The following TRIM28 variants were observed in gnomAD, a reference collection of about 807,000 sequenced individuals.
TRIM28 encodes tripartite motif containing 28.
In TRIM28, 8 loss-of-function variants were observed where a neutral mutation model predicts 87.4. That is an observed-to-expected ratio of 0.09 (90% CI 0.05 to 0.17). The LOEUF is 0.17. Ranked by LOEUF, TRIM28 falls within the 10% of genes least tolerant of loss-of-function variation. The pLI is 1.00. For missense variants in TRIM28, 968 were observed against 1,131.8 expected (o/e 0.86, Z 2.08); for synonymous variants, 601 against 454.3 (o/e 1.32, Z -4.11).
chr19:58,547,255 A>G (rs865993789), intron 3 of TRIM28, 121 bp from the exon 4 acceptor site: 2 of 1,332,916 alleles, frequency 1.5e-6, no homozygotes, highest in East Asian at 5.1e-5. Context: ...CACCCTCTAC[A>G]TCTTCCCAAT....
At position 58,547,495 on chromosome 19, in the gene TRIM28, G is replaced by A; in HGVS notation, c.706G>A (p.Ala236Thr). The A allele has an allele frequency of 6.2e-7, 1 of 1,614,072 alleles. No homozygotes were observed. Among genetic ancestry groups the A allele is most frequent in the East Asian group, 2.2e-5 (1 of 44,886 alleles). ...TLTCRDCQLN[A>T]HKDHQYQFLE... is the part of the protein sequence containing the mutation. ...CACCTGCCGAGACTGCCAGCTCAATGCCCACAAGGACCACCAGTGAGTCCC... is the reference window on the plus strand; with the variant it reads ...CACCTGCCGAGACTGCCAGCTCAATACCCACAAGGACCACCAGTGAGTCCC... The change falls in exon 4 of 17, where the codon GCC (alanine) becomes ACC (threonine). Residue 236 changes from alanine (A) to threonine (T), a missense_variant. Physicochemically the swap from Ala to Thr is moderately conservative, Grantham distance 58. Transcript: ENST00000253024.
intron 6 of TRIM28, 27 bp from the exon 7 acceptor site, chr19:58,548,007 C>T (rs374890245): frequency 6.2e-7 from 1 of 1,613,750 alleles, no homozygotes; most frequent in Non-Finnish European, 8.5e-7. Context: ...GCCTTCTCTG[C>T]TTACCTCATA....
chr19:58,548,517 C>T lies in TRIM28; in HGVS notation c.1248C>T (p.Asn416=), dbSNP rs752080652. 5 of 1,614,044 alleles carry T rather than the reference C, an allele frequency of 3.1e-6. No individual in the cohort carries two copies. The highest frequency in any genetic ancestry group is 4.5e-5 in the East Asian group (2 of 44,876). Residue 416 remains asparagine (N), a synonymous_variant, in exon 9 of 17, where the codon AAC becomes AAT. Transcript: ENST00000253024. ...TTGTGGCAGAGCGTCCTGGCACTAA[C>T]TCAACAGGCCCTGCACCCATGGCCC... ...GKIVAERPGT[N]STGPAPMAPP... is the part of the protein sequence containing the mutation.
rs957718187 is a variant in TRIM28 at position 58,548,473 on chromosome 19, C to T, written c.1217-13C>T. 2.5e-5 allele frequency: 40 copies of T among 1,613,952 alleles called. No homozygotes were observed. The Middle Eastern group carries it at 9.9e-4, about 40-fold the overall frequency. Reference sequence around the variant, plus strand: ...GTGCTGCACCTACTTACGTTTCTCTCTTCTTTTTGCAGGCAAGATTGTGGC... The same window carrying T: ...GTGCTGCACCTACTTACGTTTCTCTTTTCTTTTTGCAGGCAAGATTGTGGC... On this transcript the variant is annotated splice_polypyrimidine_tract_variant and intron_variant, in intron 8 of 16. Coordinates refer to ENST00000253024, the MANE Select transcript of TRIM28 (RefSeq NM_005762.3).
rs1568661547 is a variant in TRIM28, at chr19:58,548,475, TCTTTTTG to T, written c.1217-9_1217-3del. ...GCTGCACCTACTTACGTTTCTCTCT[TCTTTTTG>T]CAGGCAAGATTGTGGCAGAGCGTCC... On this transcript the variant is annotated splice_region_variant and splice_polypyrimidine_tract_variant and intron_variant, in intron 8 of 16. Transcript: ENST00000253024. The T allele has an allele frequency of 6.2e-7, 1 of 1,614,064 alleles. No homozygotes were observed. Among genetic ancestry groups the T allele is most frequent in the Non-Finnish European group, 8.5e-7 (1 of 1,180,002 alleles).
intron 3 of TRIM28, among the ~76,000 whole-genome samples, chr19:58,546,698 TG>T (rs1211365687): frequency 3.3e-5 from 5 of 152,148 alleles, no homozygotes; most frequent in Non-Finnish European, 7.3e-5. Context: ...CTACATATTT[TG>T]GATTTGGTTG....
chr19:58,547,306 C>G (rs2053769839), intron 3 of TRIM28, 70 bp from the exon 4 acceptor site: 1 of 1,583,426 alleles, frequency 6.3e-7, no homozygotes, highest in East Asian at 2.3e-5. Context: ...AATGAGGCCC[C>G]AACTCATTCT....
chr19:58,545,717 A>T, intron 2 of TRIM28, 47 bp from the exon 3 acceptor site: 1 of 1,583,424 alleles, frequency 6.3e-7, no homozygotes, highest in Non-Finnish European at 8.6e-7. Flanking sequence ...GTAAACGTGG[A>T]TCTATCAAGT....
At position 58,548,513 on chromosome 19, in the gene TRIM28, C is replaced by A; in HGVS notation, c.1244C>A (p.Thr415Asn). Residue 415 changes from threonine to asparagine, a missense_variant, in exon 9 of 17, where the codon ACT becomes AAT. Thr to Asn is a moderately conservative substitution (Grantham distance 65, BLOSUM62 0). This residue lies in a region of TRIM28 where 119 missense variants were observed against 93.6 expected (regional missense o/e 1.27). Coordinates refer to ENST00000253024, the MANE Select transcript of TRIM28 (RefSeq NM_005762.3). ...AAGATTGTGGCAGAGCGTCCTGGCA[C>A]TAACTCAACAGGCCCTGCACCCATG... ...FGKIVAERPG[T>N]NSTGPAPMAP... 3.1e-6 allele frequency: 5 copies of A among 1,614,078 alleles called. No homozygotes were observed. The highest frequency in any genetic ancestry group is 4.2e-6 in the Non-Finnish European group (5 of 1,180,024).
rs746253186 is a variant in TRIM28 at position 58,549,814 on chromosome 19, C to G, written c.2060C>G (p.Ala687Gly). ...EEDGSLSLDGADSTGVVAKLS... is the reference protein window; with the variant it reads ...EEDGSLSLDGGDSTGVVAKLS... ...GATGGCAGCCTCAGCCTGGATGGTG[C>G]AGACAGCACTGGCGTGGTGGCCAAG... The change falls in exon 14 of 17, where the codon GCA (alanine) becomes GGA (glycine). Residue 687 changes from alanine (A) to glycine (G), a missense_variant. Coordinates refer to ENST00000253024, the MANE Select transcript of TRIM28 (RefSeq NM_005762.3). This position sits in a 1 kb window ranked among gnomAD's most constrained non-coding sequence, Gnocchi z 4.4. The G allele has an allele frequency of 5.6e-6, 9 of 1,612,820 alleles. No individual in the cohort carries two copies. The highest frequency in any genetic ancestry group is 1.7e-5 in the Admixed American group (1 of 59,988).
intron 3 of TRIM28, 52 bp from the exon 4 acceptor site, chr19:58,547,324 G>A (rs2053769890): frequency 5.6e-6 from 9 of 1,598,360 alleles, no homozygotes; most frequent in South Asian, 1.1e-5. Flanking sequence ...TCTGCTTCCT[G>A]AGTTGGGGGT....
In TRIM28 at chr19:58,544,305, G is replaced by T. The variant is rs2122620410; in HGVS notation, c.-453G>T. On this transcript the variant is annotated 5_prime_UTR_variant, in exon 1 of 17. Coordinates refer to ENST00000253024, the MANE Select transcript of TRIM28 (RefSeq NM_005762.3). ...AGAGCCCCACCGACGTGGGGTTGGC[G>T]GTGGTGGAAGGACTAGGAGTTGGCG... The T allele has an allele frequency of 6.6e-6, 1 of 152,456 alleles. No homozygotes were observed. Among genetic ancestry groups the T allele is most frequent in the South Asian group, 2.1e-4 (1 of 4,852 alleles). 9.4% of individuals were successfully genotyped at this position (152,456 alleles called of 1,614,324 possible). A position where few individuals can be genotyped will look rare whatever the true frequency, so the allele number is the denominator to read the frequency against.
In TRIM28 at chr19:58,550,041, TC is replaced by T; in HGVS notation, c.2193+8del. ...CCGACTCCACCTTCTCCCTGGTGAGTCCTAGGATGGGAAAGGGGAAGGGGGT... is the reference window on the plus strand; with the variant it reads ...CCGACTCCACCTTCTCCCTGGTGAGTCTAGGATGGGAAAGGGGAAGGGGGT... On this transcript the variant is annotated splice_region_variant and intron_variant, in intron 15 of 16. Transcript: ENST00000253024. The T allele has an allele frequency of 6.2e-7, 1 of 1,613,786 alleles. No individual in the cohort carries two copies. The highest frequency in any genetic ancestry group is 1.7e-5 in the Admixed American group (1 of 59,994).
In TRIM28 at chr19:58,550,662, G is replaced by A; in HGVS notation, c.*109G>A. On this transcript the variant is annotated 3_prime_UTR_variant, in exon 17 of 17. Coordinates refer to ENST00000253024, the MANE Select transcript of TRIM28 (RefSeq NM_005762.3). Reference sequence around the variant, plus strand: ...CACTCCCTGGTGGCCCCATCCCCCAGTTCCTCACGATATGGTTTTTACTTC... The same window carrying A: ...CACTCCCTGGTGGCCCCATCCCCCAATTCCTCACGATATGGTTTTTACTTC... 2 of 1,102,054 alleles carry A rather than the reference G, an allele frequency of 1.8e-6. No individual in the cohort carries two copies. The highest frequency in any genetic ancestry group is 5.1e-5 in the East Asian group (2 of 38,990). 68.3% of individuals were successfully genotyped at this position (1,102,054 alleles called of 1,614,324 possible). A position where few individuals can be genotyped will look rare whatever the true frequency, so the allele number is the denominator to read the frequency against.
Position 58,547,754 on chromosome 19 carries a change from G to A in TRIM28, c.840-38G>A, listed in dbSNP as rs534630230. The A allele has an allele frequency of 1.9e-5, 30 of 1,613,854 alleles. 1 individual carries two copies. The South Asian group carries it at 3.3e-4, about 18-fold the overall frequency. On this transcript the variant is annotated intron_variant, in intron 5 of 16. Coordinates refer to ENST00000253024, the MANE Select transcript of TRIM28 (RefSeq NM_005762.3). ...GGGGCTGTGGGGGTGGCCCAGGGCA[G>A]CAAGACCCTACCTAGCCTGACCTGC... is the stretch of plus-strand genomic sequence containing the variant.
intron 2 of TRIM28, 102 bp from the exon 3 acceptor site, chr19:58,545,662 G>C (rs2053755199): frequency 6.5e-7 from 1 of 1,539,800 alleles, no homozygotes; most frequent in Admixed American, 1.8e-5. Flanking sequence ...TGCCTAGGTT[G>C]GGTCAAGGGA....
Position 58,549,752 on chromosome 19 carries a change from C to T in TRIM28, c.1998C>T (p.Cys666=). Residue 666 remains cysteine, a synonymous_variant, in exon 14 of 17, where the codon TGC becomes TGT. Coordinates refer to ENST00000253024, the MANE Select transcript of TRIM28 (RefSeq NM_005762.3). The surrounding 1 kb of genome is among the most constrained non-coding windows in gnomAD (Gnocchi z 4.4). The part of the protein sequence containing the change: ...LQDVPGEEWS[C]SLCHVLPDLK... The stretch of plus-strand genomic sequence containing the variant: ...TTCACCCTAGGGAGGAGTGGAGCTG[C>T]TCACTCTGCCATGTGCTCCCTGACC... 3 of 1,609,680 alleles carry T rather than the reference C, an allele frequency of 1.9e-6. No individual in the cohort carries two copies. Among genetic ancestry groups the T allele is most frequent in the African/African-American group, 2.7e-5 (2 of 74,926 alleles).
Position 58,544,712 on chromosome 19 carries a change from GC to G in TRIM28, c.-42del. The G allele has an allele frequency of 1.1e-6, 1 of 887,224 alleles. No individual in the cohort carries two copies. Among genetic ancestry groups the G allele is most frequent in the Non-Finnish European group, 1.4e-6 (1 of 735,490 alleles). The allele number at this position is 887,224 out of a possible 1,614,324, so 55.0% of individuals were successfully genotyped here. On this transcript the variant is annotated 5_prime_UTR_variant, in exon 1 of 17. Coordinates refer to ENST00000253024, the MANE Select transcript of TRIM28 (RefSeq NM_005762.3). ...GAGCGCGTCTGCGCCTGCGCGGCGG[GC>G]CCCGCGCCCCTCCTCCCCCCCTGGG... is the stretch of plus-strand genomic sequence containing the variant.
At position 58,548,231 on chromosome 19, in the gene TRIM28, A is replaced by G. The variant is rs965375521; in HGVS notation, c.1101+51A>G. 18 of 1,613,164 alleles carry G rather than the reference A, an allele frequency of 1.1e-5. No homozygotes were observed. In the African/African-American group the frequency reaches 1.9e-4, roughly 17 times the overall value. ...GTGGGTTCCAGGCAGGTGGTTCCCAATACCTCAAATCCCTATTTGTTGTTG... is the reference window on the plus strand; with the variant it reads ...GTGGGTTCCAGGCAGGTGGTTCCCAGTACCTCAAATCCCTATTTGTTGTTG... On this transcript the variant is annotated intron_variant, in intron 7 of 16. Transcript: ENST00000253024.
Sources: allele counts gnomAD v4.1 joint callset (sites outside exome capture counted in the v4.1 genomes callset), GRCh38; gene constraint gnomAD v4.1.1; regional missense constraint gnomAD v4.1.1; non-coding constraint Gnocchi (gnomAD v3.1); transcripts MANE v1.5; gene names NCBI Gene and HGNC (gene_info 2026-07-23, HGNC 2026-07-21).